RALYL: variants seen among roughly 807,000 people sequenced by gnomAD.
The protein encoded by RALYL is RALY RNA binding protein like, also known as RNA-binding Raly-like protein.
Under a neutral mutation model 35.1 loss-of-function variants are expected in RALYL, and 29 were observed. That is an observed-to-expected ratio of 0.83 (90% CI 0.61 to 1.13). The LOEUF (loss-of-function observed/expected upper bound fraction) is 1.13. Ranked by LOEUF, RALYL falls within the 50% of genes most tolerant of loss-of-function variation. The pLI, the probability that RALYL is intolerant of heterozygous loss-of-function variation, is 0.00. For synonymous variants in RALYL, 120 were observed against 127.6 expected, an observed-to-expected ratio of 0.94 and a Z score of 0.40; for missense variants, 359 against 360.4, an observed-to-expected ratio of 1.00 and a Z score of 0.03.
intron 2 of RALYL, among the ~76,000 whole-genome samples, chr8:84,553,900 G>A (rs2060917812): frequency 6.6e-6 from 1 of 152,080 alleles, no homozygotes; most frequent in African/African-American, 2.4e-5. Flanking sequence ...AAATTTAAGT[G>A]TTACACAAAC....
At chr8:84,870,805 T>C (rs973113168) in intron 6 of RALYL, among the ~76,000 whole-genome samples, 4 of 152,052 alleles carry the variant, frequency 2.6e-5, no homozygotes, top group Admixed American at 1.3e-4. Context: ...ACCCCATATA[T>C]AGATAGTGAC....
At position 84,705,979 on chromosome 8, in the gene RALYL, C is replaced by T. The variant is rs79618157; in HGVS notation, c.257-68600C>T. ...GGAGCACAACCCGTCTCTTTGTCTCCGTGGTCAAATCAATTACTTCTTAGA... is the reference window on the plus strand; with the variant it reads ...GGAGCACAACCCGTCTCTTTGTCTCTGTGGTCAAATCAATTACTTCTTAGA... On this transcript the variant is annotated intron_variant, in intron 2 of 8. Transcript: ENST00000521268. 5.9e-3 allele frequency: 9,042 copies of T among 1,533,496 alleles called. 30 individuals carry two copies. The highest frequency in any genetic ancestry group is 6.9e-3 in the Non-Finnish European group (7,936 of 1,145,582). 95.0% of individuals were successfully genotyped at this position (1,533,496 alleles called of 1,614,324 possible). A position where few individuals can be genotyped will look rare whatever the true frequency, so the allele number is the denominator to read the frequency against.
intron 2 of RALYL, among the ~76,000 whole-genome samples, chr8:84,715,839 A>C (rs1233272841): frequency 2.0e-5 from 3 of 152,084 alleles, no homozygotes; most frequent in Non-Finnish European, 4.4e-5. Context: ...TGACACCTTT[A>C]GTTATATAGG....
Position 84,837,011 on chromosome 8 carries a change from C to A in RALYL, c.366-12969C>A, listed in dbSNP as rs536039098. Among the ~76,000 whole-genome samples the A allele has an allele frequency of 2.0e-5, 3 of 152,288 alleles. No homozygotes were observed. The East Asian group carries it at 5.8e-4, about 29-fold the overall frequency. On this transcript the variant is annotated intron_variant, in intron 4 of 8. Transcript: ENST00000521268. ...TAGAAATACCTACCCTTTGAACATTCACTTGTCAAATCCCTACTCTTTGCA... is the reference window on the plus strand; with the variant it reads ...TAGAAATACCTACCCTTTGAACATTAACTTGTCAAATCCCTACTCTTTGCA...
intron 2 of RALYL, among the ~76,000 whole-genome samples, chr8:84,758,504 C>T (rs1325561357): frequency 6.6e-6 from 1 of 152,092 alleles, no homozygotes; most frequent in African/African-American, 2.4e-5. Context: ...AAGGCTGCCA[C>T]CAAGTTGTTG....
chr8:84,811,805 A>G (rs771330981), intron 4 of RALYL, among the ~76,000 whole-genome samples: 2 of 151,982 alleles, frequency 1.3e-5, no homozygotes, highest in African/African-American at 4.8e-5. Flanking sequence ...GTTCATTTCT[A>G]TTGCTGAGAC....
At chr8:84,274,716 C>T (rs1835017075) in intron 1 of RALYL, among the ~76,000 whole-genome samples, 1 of 152,040 alleles carries the variant, frequency 6.6e-6, no homozygotes, top group Non-Finnish European at 1.5e-5. Flanking sequence ...CAAATAAGCA[C>T]AGGCAAAATT....
intron 1 of RALYL, among the ~76,000 whole-genome samples, chr8:84,426,567 A>G (rs1429118290): frequency 1.3e-5 from 2 of 151,998 alleles, no homozygotes; most frequent in African/African-American, 4.8e-5. Flanking sequence ...AGGCCTATCC[A>G]TGTTGTAGCA....
rs116253214 is a variant in RALYL at position 84,581,997 on chromosome 8, A to C, written c.256+52420A>C. Among the ~76,000 whole-genome samples, 633 of 152,292 alleles carry C rather than the reference A, an allele frequency of 4.2e-3. 5 individuals are homozygous for C. Among genetic ancestry groups the C allele is most frequent in the African/African-American group, 0.015 (611 of 41,596 alleles). On this transcript the variant is annotated intron_variant, in intron 2 of 8. Transcript: ENST00000521268. ...AATAGTCTGAGACTAATTAAAATCA[A>C]GTAAGTGTCCAGATTGACAATAATA...
At chr8:84,913,052 A>G (rs192066832) in intron 8 of RALYL, among the ~76,000 whole-genome samples, 129 of 148,036 alleles carry the variant, frequency 8.7e-4, no homozygotes, top group Non-Finnish European at 1.4e-3. Context: ...AGATAGATAG[A>G]TAGATAGATA....
intron 5 of RALYL, among the ~76,000 whole-genome samples, chr8:84,853,508 A>G (rs1836311483): frequency 6.6e-6 from 1 of 152,186 alleles, no homozygotes; most frequent in Non-Finnish European, 1.5e-5. Flanking sequence ...CTATACAAGA[A>G]CTTAGCTACA....
intron 8 of RALYL, among the ~76,000 whole-genome samples, chr8:84,907,809 C>T (rs915407804): frequency 3.9e-5 from 6 of 151,994 alleles, no homozygotes; most frequent in African/African-American, 1.2e-4. Context: ...AACCAAGCAT[C>T]TCTTTTCATA....
At chr8:84,860,120 C>T (rs997979384) in intron 5 of RALYL, among the ~76,000 whole-genome samples, 5 of 152,220 alleles carry the variant, frequency 3.3e-5, no homozygotes, top group Non-Finnish European at 7.4e-5. Context: ...TATTGATAAA[C>T]ATTTTTGTTT....
At chr8:84,576,879 A>G (rs529111393) in intron 2 of RALYL, among the ~76,000 whole-genome samples, 10 of 152,302 alleles carry the variant, frequency 6.6e-5, no homozygotes, top group Non-Finnish European at 8.8e-5. Flanking sequence ...CTAAACCTTA[A>G]TTAGTCCTTT....
chr8:84,641,325 T>C (rs1352578574), intron 2 of RALYL, among the ~76,000 whole-genome samples: 1 of 151,676 alleles, frequency 6.6e-6, no homozygotes, highest in Non-Finnish European at 1.5e-5. Flanking sequence ...TTAATTTTAG[T>C]AACCTTCAAT....
At chr8:84,670,794 C>G (rs1055619455) in intron 2 of RALYL, among the ~76,000 whole-genome samples, 1 of 152,162 alleles carries the variant, frequency 6.6e-6, no homozygotes, top group Admixed American at 6.5e-5. Context: ...AGCTATAATT[C>G]AAGATGAGAT....
intron 3 of RALYL, among the ~76,000 whole-genome samples, chr8:84,776,234 T>A (rs1205668189): frequency 6.6e-6 from 1 of 152,196 alleles, no homozygotes; most frequent in African/African-American, 2.4e-5. Context: ...GCCTCATTTT[T>A]TGAACTCTAA....
intron 1 of RALYL, among the ~76,000 whole-genome samples, chr8:84,226,463 GT>G (rs1392145139): frequency 6.6e-6 from 1 of 152,138 alleles, no homozygotes; most frequent in African/African-American, 2.4e-5. Flanking sequence ...CTGGAGGGCA[GT>G]GGTGCAATCT....
intron 2 of RALYL, among the ~76,000 whole-genome samples, chr8:84,651,541 A>G (rs765995045): frequency 2.6e-5 from 4 of 152,052 alleles, no homozygotes; most frequent in African/African-American, 4.8e-5. Context: ...AATGTTTTCC[A>G]TAGAATAAAC....
Sources: allele counts gnomAD v4.1 joint callset (sites outside exome capture counted in the v4.1 genomes callset), GRCh38; gene constraint gnomAD v4.1.1; transcripts MANE v1.5; gene names NCBI Gene and HGNC (gene_info 2026-07-23, HGNC 2026-07-21).